The following WDFY2 variants were observed in gnomAD, a reference collection of about 807,000 sequenced individuals.
The protein encoded by WDFY2 is WD repeat and FYVE domain-containing protein 2.
In WDFY2, 36 loss-of-function variants were observed where a neutral mutation model predicts 56.4. The observed-to-expected ratio is 0.64, with a 90% CI of 0.49 to 0.84. WDFY2 has a LOEUF of 0.84. WDFY2 is among the 40% of genes least tolerant of loss of function. The pLI is 0.00. For missense variants in WDFY2, 444 were observed against 512.2 expected (o/e 0.87, Z 1.29); for synonymous variants, 176 against 183.7 (o/e 0.96, Z 0.34).
intron 1 of WDFY2, among the ~76,000 whole-genome samples, chr13:51,594,413 G>T (rs1954107652): frequency 6.6e-6 from 1 of 152,146 alleles, no homozygotes; most frequent in Non-Finnish European, 1.5e-5. Flanking sequence ...AAAACTTGCT[G>T]TTAATTATTT....
At chr13:51,700,163 G>A (rs184969500) in intron 3 of WDFY2, among the ~76,000 whole-genome samples, 42 of 152,246 alleles carry the variant, frequency 2.8e-4, no homozygotes, top group Non-Finnish European at 5.7e-4. Flanking sequence ...GGAGGGATAC[G>A]CCAGACCGTT....
intron 7 of WDFY2, among the ~76,000 whole-genome samples, chr13:51,740,596 C>T (rs1380016121): frequency 1.3e-5 from 2 of 152,056 alleles, no homozygotes; most frequent in African/African-American, 4.8e-5. Context: ...TGCCTGTAAT[C>T]CCAGCTACTC....
intron 7 of WDFY2, among the ~76,000 whole-genome samples, chr13:51,747,582 A>AGT (rs1361325877): frequency 7.9e-5 from 12 of 152,252 alleles, no homozygotes; most frequent in Non-Finnish European, 1.6e-4. Flanking sequence ...CCCAGGCTAG[A>AGT]GTGCAGTGGT....
At chr13:51,648,155 G>A (rs1370318406) in intron 1 of WDFY2, among the ~76,000 whole-genome samples, 1 of 152,188 alleles carries the variant, frequency 6.6e-6, no homozygotes, top group East Asian at 1.9e-4. Context: ...GTTGGGGTGA[G>A]ATGGGAGGCA....
At chr13:51,593,561 A>G (rs967554965) in intron 1 of WDFY2, among the ~76,000 whole-genome samples, 7 of 152,178 alleles carry the variant, frequency 4.6e-5, no homozygotes, top group Non-Finnish European at 1.0e-4. Context: ...AGCCATGGAT[A>G]TTATTATTTT....
chr13:51,756,823 G>A (rs998508837), intron 10 of WDFY2, among the ~76,000 whole-genome samples: 2 of 152,238 alleles, frequency 1.3e-5, no homozygotes, highest in Admixed American at 6.5e-5. Context: ...CTTTACAGGA[G>A]TTGAGTGAGT....
At chr13:51,737,017 C>G (rs910290991) in intron 6 of WDFY2, among the ~76,000 whole-genome samples, 2 of 152,132 alleles carry the variant, frequency 1.3e-5, no homozygotes, top group African/African-American at 4.8e-5. Flanking sequence ...CCTTAAAGAA[C>G]CTAAGCTACC....
chr13:51,695,697 C>T (rs1215095534), intron 3 of WDFY2, among the ~76,000 whole-genome samples: 1 of 152,228 alleles, frequency 6.6e-6, no homozygotes, highest in South Asian at 2.1e-4. Flanking sequence ...GCTGGGAGAA[C>T]CACTGCTCTC....
intron 10 of WDFY2, among the ~76,000 whole-genome samples, chr13:51,757,103 G>C (rs1412393914): frequency 6.6e-6 from 1 of 152,188 alleles, no homozygotes; most frequent in African/African-American, 2.4e-5. Flanking sequence ...AGGAGGATCT[G>C]CAGGGTAGCT....
Position 51,764,054 on chromosome 13 carries a change from T to C in WDFY2, c.*4285T>C, listed in dbSNP as rs564987055. ...TTATTTTTTCTCCTTTAAAATAATA[T>C]TGAATTTTTCCTGGTACGAAGACAG... On this transcript the variant is annotated 3_prime_UTR_variant, in exon 12 of 12. Transcript: ENST00000298125. 4 of 152,350 alleles carry C rather than the reference T, an allele frequency of 2.6e-5. No individual in the cohort carries two copies. Among genetic ancestry groups the C allele is most frequent in the African/African-American group, 4.8e-5 (2 of 41,572 alleles). The allele number at this position is 152,350 out of a possible 1,614,324, so 9.4% of individuals were successfully genotyped here.
intron 5 of WDFY2, among the ~76,000 whole-genome samples, chr13:51,725,058 G>A (rs569721757): frequency 4.2e-4 from 64 of 152,244 alleles, no homozygotes; most frequent in African/African-American, 1.5e-3. Context: ...TTTTAAAAGA[G>A]AATAAATCAT....
intron 10 of WDFY2, 34 bp downstream of exon 10, chr13:51,756,496 T>C (rs1566240407): frequency 6.3e-7 from 1 of 1,598,066 alleles, no homozygotes; most frequent in Non-Finnish European, 8.5e-7. Context: ...CGCTTCAGGT[T>C]AAGGCGAGAA....
intron 3 of WDFY2, among the ~76,000 whole-genome samples, chr13:51,679,161 C>T (rs780712589): frequency 1.8e-4 from 27 of 152,064 alleles, no homozygotes; most frequent in Non-Finnish European, 4.4e-5. Flanking sequence ...GAAGATTCTC[C>T]CCATCCCACT....
intron 6 of WDFY2, among the ~76,000 whole-genome samples, chr13:51,731,002 T>C (rs190060520): frequency 6.6e-6 from 1 of 152,218 alleles, no homozygotes; most frequent in Admixed American, 6.5e-5. Context: ...GGTAACCTGA[T>C]TGGATTTTAA....
intron 1 of WDFY2, among the ~76,000 whole-genome samples, chr13:51,604,010 T>C (rs1015938310): frequency 6.6e-6 from 1 of 152,190 alleles, no homozygotes; most frequent in African/African-American, 2.4e-5. Flanking sequence ...ATGTTTGCCA[T>C]GTAGGAATGC....
At chr13:51,744,453 G>A (rs983062066) in intron 7 of WDFY2, among the ~76,000 whole-genome samples, 3 of 152,132 alleles carry the variant, frequency 2.0e-5, no homozygotes, top group African/African-American at 7.2e-5. Flanking sequence ...GTCACACAAG[G>A]CCCCATTCTT....
chr13:51,675,960 C>T (rs1955879209), intron 3 of WDFY2, among the ~76,000 whole-genome samples: 1 of 152,100 alleles, frequency 6.6e-6, no homozygotes, highest in Non-Finnish European at 1.5e-5. Context: ...GTAAATTATC[C>T]AGCGTTGCCT....
At chr13:51,710,509 C>T (rs969830112) in intron 4 of WDFY2, among the ~76,000 whole-genome samples, 11 of 152,084 alleles carry the variant, frequency 7.2e-5, no homozygotes, top group Non-Finnish European at 1.5e-4. Context: ...TCTGTGTTTG[C>T]GGATGACATG....
chr13:51,653,100 G>C (rs1356338264), intron 1 of WDFY2, among the ~76,000 whole-genome samples: 2 of 152,112 alleles, frequency 1.3e-5, no homozygotes, highest in African/African-American at 4.8e-5. Flanking sequence ...GGCTTTGTTT[G>C]TTTCTTTTTA....
Sources: gnomAD v4.1 joint callset for allele counts (sites outside exome capture counted in the v4.1 genomes callset) on GRCh38, gnomAD v4.1.1 for gene constraint, MANE v1.5 for transcripts, NCBI Gene and HGNC (gene_info 2026-07-23, HGNC 2026-07-21) for gene names.